The following LRR1 variants were observed in gnomAD, a reference collection of about 807,000 sequenced individuals.
The protein encoded by LRR1 is leucine-rich repeat protein 1.
Under a neutral mutation model 31.6 loss-of-function variants are expected in LRR1, and 29 were observed. The ratio of observed to expected loss-of-function variants is 0.92; its 90% CI spans 0.68 to 1.25. The LOEUF (loss-of-function observed/expected upper bound fraction) is 1.25. Among genes scored for constraint, LRR1 ranks in the 50% most tolerant of loss-of-function variants. The pLI is 0.00. For missense variants in LRR1, 485 were observed against 487.2 expected (o/e 1.00, Z 0.04); for synonymous variants, 179 against 181.4 (o/e 0.99, Z 0.10).
At chr14:49,608,431 TTTTTTTTTTTTTTTTTG>T (rs1882378280) in intron 3 of LRR1, among the ~76,000 whole-genome samples, 10 of 117,566 alleles carry the variant, frequency 8.5e-5, no homozygotes, top group Non-Finnish European at 1.5e-4. Flanking sequence ...TTTTTTTTTT[TTTTTTTTTTTTTTTTTG>T]GTCATAGGAC....
chr14:49,611,577 G>A (rs1347442760), intron 3 of LRR1, among the ~76,000 whole-genome samples: 1 of 152,128 alleles, frequency 6.6e-6, no homozygotes, highest in African/African-American at 2.4e-5. Context: ...TCTTTTGGCA[G>A]TGAGGTGCAC....
In LRR1 at chr14:49,601,431, C is replaced by T. The variant is rs1351899665; in HGVS notation, c.184-939C>T. 3.1e-5 allele frequency: 16 copies of T among 510,240 alleles called. No homozygotes were observed. The Admixed American group carries it at 3.7e-4, about 12-fold the overall frequency. 31.6% of individuals were successfully genotyped at this position (510,240 alleles called of 1,614,324 possible). On this transcript the variant is annotated intron_variant, in intron 1 of 3. Transcript: ENST00000298288. ...AATCAATAGTTGTTGAAATCTAAAGCAGATGCAACAGCAATCATTAATTTT... is the reference window on the plus strand; with the variant it reads ...AATCAATAGTTGTTGAAATCTAAAGTAGATGCAACAGCAATCATTAATTTT...
chr14:49,600,885 A>G, intron 1 of LRR1: 19 of 1,302,758 alleles, frequency 1.5e-5, no homozygotes, highest in Non-Finnish European at 2.0e-5. Context: ...AAAAGCTACA[A>G]TCACATCATG....
intron 1 of LRR1, chr14:49,601,080 G>A (rs1029256600): frequency 6.2e-6 from 10 of 1,611,368 alleles, no homozygotes; most frequent in Non-Finnish European, 6.8e-6. Context: ...GGCCAGCCAC[G>A]TAGCCAAAGG....
chr14:49,600,479 A>C, intron 1 of LRR1: 1 of 1,584,584 alleles, frequency 6.3e-7, no homozygotes, highest in Non-Finnish European at 8.7e-7. Flanking sequence ...GCTATGTGGA[A>C]TGTTCAGCTT....
intron 3 of LRR1, among the ~76,000 whole-genome samples, chr14:49,613,268 G>A (rs1300700436): frequency 6.6e-6 from 1 of 151,966 alleles, no homozygotes; most frequent in Non-Finnish European, 1.5e-5. Flanking sequence ...GAACCCGGGA[G>A]GCGGAGCTTG....
At chr14:49,605,886 A>G (rs1173244554) in intron 2 of LRR1, among the ~76,000 whole-genome samples, 1 of 152,178 alleles carries the variant, frequency 6.6e-6, no homozygotes, top group African/African-American at 2.4e-5. Context: ...AATAGTATTT[A>G]GTTCTTGTCA....
intron 3 of LRR1, among the ~76,000 whole-genome samples, chr14:49,613,065 C>A (rs553655429): frequency 6.6e-6 from 1 of 152,016 alleles, no homozygotes; most frequent in Non-Finnish European, 1.5e-5. Flanking sequence ...CCAGGCCAGG[C>A]GTGGTGGCTC....
chr14:49,606,864 C>T (rs1044363367), intron 2 of LRR1, among the ~76,000 whole-genome samples: 3 of 151,938 alleles, frequency 2.0e-5, no homozygotes, highest in Non-Finnish European at 2.9e-5. Context: ...ACCATGTTGG[C>T]CAGGCTGGTC....
rs372339466 is a variant in LRR1, at chr14:49,614,348, C to G, written c.1097C>G (p.Ser366Cys). 21 of 1,613,962 alleles carry G rather than the reference C, an allele frequency of 1.3e-5. 1 individual carries two copies. Among genetic ancestry groups the G allele is most frequent in the Admixed American group, 1.2e-4 (7 of 60,004 alleles). Residue 366 changes from serine (S) to cysteine (C), a missense_variant, in exon 4 of 4, where the codon TCT becomes TGT. Coordinates refer to ENST00000298288, the MANE Select transcript of LRR1 (RefSeq NM_152329.4). ...ICVCGRFCLN[S>C]FIQGTTTMNL... Reference sequence around the variant, plus strand: ...GTTTGTGGAAGATTCTGTCTGAACTCTTTCATTCAAGGAACTACTACCATG... The same window carrying G: ...GTTTGTGGAAGATTCTGTCTGAACTGTTTCATTCAAGGAACTACTACCATG...
intron 1 of LRR1, chr14:49,601,761 G>A: frequency 9.8e-7 from 1 of 1,015,736 alleles, no homozygotes; most frequent in Non-Finnish European, 1.3e-6. Flanking sequence ...TTACTGGACA[G>A]ACAGAGCAGT....
rs768594770 is a variant in LRR1 at position 49,614,578 on chromosome 14, G to T, written c.*82G>T. The T allele has an allele frequency of 1.3e-6, 2 of 1,566,328 alleles. No individual in the cohort carries two copies. The highest frequency in any genetic ancestry group is 4.5e-5 in the East Asian group (2 of 44,582). The stretch of plus-strand genomic sequence containing the variant: ...ATTTTGCAGCGTCAAATTGGAGTAA[G>T]GGAAGATTTCTGTATACTTGCTGGA... On this transcript the variant is annotated 3_prime_UTR_variant, in exon 4 of 4. Transcript: ENST00000298288.
intron 2 of LRR1, among the ~76,000 whole-genome samples, chr14:49,606,020 C>CTTTTTTTTTTTTTTTTTTTTTT (rs57012174): frequency 1.4e-5 from 2 of 144,124 alleles, no homozygotes; most frequent in African/African-American, 2.6e-5. Context: ...CAAAAATTAG[C>CTTTTTTTTTTTTTTTTTTTTTT]TTTTTTTTTT....
chr14:49,599,199 A>G lies in LRR1; in HGVS notation c.179A>G (p.Tyr60Cys), dbSNP rs142069646. 3 of 1,604,454 alleles carry G rather than the reference A, an allele frequency of 1.9e-6. No homozygotes were observed. Among genetic ancestry groups the G allele is most frequent in the Non-Finnish European group, 2.6e-6 (3 of 1,175,990 alleles). ...STLKDKRGTR[Y>C]ELRENIEQFF... ...CTGAAGGACAAGCGCGGGACCCGCT[A>G]TGAGGTGCGTGAAGTGGGCAGGCCC... is the stretch of plus-strand genomic sequence containing the variant. Residue 60 changes from tyrosine (Y) to cysteine (C), a missense_variant, in exon 1 of 4, where the codon TAT becomes TGT. Around this residue, in one of 3 missense-constraint regions of LRR1, gnomAD observed 260 missense variants for 249.6 expected, o/e 1.04. Transcript: ENST00000298288.
At chr14:49,603,128 A>G (rs1387455343) in intron 2 of LRR1, among the ~76,000 whole-genome samples, 1 of 152,072 alleles carries the variant, frequency 6.6e-6, no homozygotes, top group Non-Finnish European at 1.5e-5. Context: ...TACAGGCGTG[A>G]GCCACTGTGC....
intron 1 of LRR1, among the ~76,000 whole-genome samples, chr14:49,601,816 T>TAAAAAAAAAA (rs11319854): frequency 1.1e-5 from 1 of 90,742 alleles, no homozygotes. Context: ...TCCCAACTGC[T>TAAAAAAAAAA]AAAAAAAAAA....
intron 3 of LRR1, among the ~76,000 whole-genome samples, chr14:49,613,077 A>C (rs558738086): frequency 4.0e-5 from 6 of 151,472 alleles, no homozygotes; most frequent in African/African-American, 1.5e-4. Context: ...TGGTGGCTCA[A>C]GCCTGTAATC....
chr14:49,614,241 C>T lies in LRR1; in HGVS notation c.1005-15C>T, dbSNP rs749312995. 3 of 1,599,382 alleles carry T rather than the reference C, an allele frequency of 1.9e-6. No individual in the cohort carries two copies. The Admixed American group carries it at 5.1e-5, about 27-fold the overall frequency. The stretch of plus-strand genomic sequence containing the variant: ...GTAACATGTTATAAAATATTTTTAT[C>T]ATTCTTTCCAATAGGATTCCATATG... On this transcript the variant is annotated splice_polypyrimidine_tract_variant and intron_variant, in intron 3 of 3. Transcript: ENST00000298288.
chr14:49,598,995 T>G lies in LRR1; in HGVS notation c.-26T>G, dbSNP rs750265840. ...GAAGGAGGAAGTTTCAAAGCCAGCTTGACGTGGTTGTGGCCGTTGGGCGAG... is the reference window on the plus strand; with the variant it reads ...GAAGGAGGAAGTTTCAAAGCCAGCTGGACGTGGTTGTGGCCGTTGGGCGAG... On this transcript the variant is annotated 5_prime_UTR_variant, in exon 1 of 4. It removes the in-frame stop codon of an upstream open reading frame in the 5' UTR. Transcript: ENST00000298288. 1 of 1,589,772 alleles carries G rather than the reference T, an allele frequency of 6.3e-7. No individual in the cohort carries two copies. Among genetic ancestry groups the G allele is most frequent in the Non-Finnish European group, 8.6e-7 (1 of 1,166,992 alleles).
Sources: allele counts gnomAD v4.1 joint callset (sites outside exome capture counted in the v4.1 genomes callset), GRCh38; gene constraint gnomAD v4.1.1; regional missense constraint gnomAD v4.1.1; transcripts MANE v1.5; gene names NCBI Gene and HGNC (gene_info 2026-07-23, HGNC 2026-07-21).